Variants in TRAPPC9 observed in about 807,000 individuals in gnomAD.
TRAPPC9 encodes the protein trafficking protein particle complex subunit 9.
A neutral mutation model predicts 124.0 loss-of-function variants in TRAPPC9; 83 were observed. The ratio of observed to expected loss-of-function variants is 0.67; its 90% confidence interval spans 0.56 to 0.80. The LOEUF (loss-of-function observed/expected upper bound fraction) is 0.80. Ranked by LOEUF, TRAPPC9 falls within the 30% of genes least tolerant of loss-of-function variation. The probability of loss-of-function intolerance (pLI) is 0.00; values close to 1 mark genes in which losing one functional copy is unlikely to be tolerated. For missense variants in TRAPPC9, 1,302 were observed against 1,508.3 expected (o/e 0.86, Z 2.27); for synonymous variants, 638 against 617.5 (o/e 1.03, Z -0.49).
intron 21 of TRAPPC9, among the ~76,000 whole-genome samples, chr8:139,864,487 G>A (rs1390184356): frequency 6.6e-6 from 1 of 152,196 alleles, no homozygotes; most frequent in Non-Finnish European, 1.5e-5. Flanking sequence ...TTTAAGGGAT[G>A]GAATACATCT....
chr8:139,981,526 G>C (rs1265186434), intron 19 of TRAPPC9, among the ~76,000 whole-genome samples: 1 of 152,198 alleles, frequency 6.6e-6, no homozygotes, highest in Non-Finnish European at 1.5e-5. Flanking sequence ...CAACCTGCAA[G>C]AAGACTGGGC....
chr8:140,019,124 G>A (rs1392497316), intron 18 of TRAPPC9, among the ~76,000 whole-genome samples: 1 of 152,104 alleles, frequency 6.6e-6, no homozygotes, highest in Admixed American at 6.5e-5. Flanking sequence ...ATCTTTCAAT[G>A]GTAAAACAAC....
At chr8:140,049,065 C>T (rs1841806504) in intron 17 of TRAPPC9, among the ~76,000 whole-genome samples, 1 of 152,242 alleles carries the variant, frequency 6.6e-6, no homozygotes, top group South Asian at 2.1e-4. Flanking sequence ...CAGAGGCCCA[C>T]AGCAACATCT....
chr8:140,100,729 G>A (rs2060563259), intron 17 of TRAPPC9, among the ~76,000 whole-genome samples: 1 of 152,198 alleles, frequency 6.6e-6, no homozygotes, highest in Admixed American at 6.5e-5. Context: ...GTGGCCGTGC[G>A]TCTGCGAGCT....
chr8:140,205,901 C>T (rs1314488305), intron 17 of TRAPPC9, among the ~76,000 whole-genome samples: 2 of 152,220 alleles, frequency 1.3e-5, no homozygotes, highest in Non-Finnish European at 2.9e-5. Flanking sequence ...AAGTCTCTGA[C>T]AAGTGGCCAC....
At chr8:140,297,179 G>A (rs532686458) in intron 11 of TRAPPC9, among the ~76,000 whole-genome samples, 240 of 151,358 alleles carry the variant, frequency 1.6e-3, no homozygotes, top group African/African-American at 5.1e-3. Context: ...CATCCACCAC[G>A]TCTACCCAGC....
chr8:139,748,212 T>G (rs1290199823), intron 21 of TRAPPC9, among the ~76,000 whole-genome samples: 3 of 52,194 alleles, frequency 5.7e-5, no homozygotes, highest in African/African-American at 4.1e-4. Context: ...TGTACAGGGA[T>G]CAGAGAAGAT....
Position 139,835,298 on chromosome 8 carries a change from G to T in TRAPPC9, c.3055+50581C>A, listed in dbSNP as rs117923091. ...GCTTTTTATGTGTTTTACATACTGC[G>T]TTGTGCACACATTGCCTTTGATTAA... On this transcript the variant is annotated intron_variant, in intron 21 of 22. Transcript: ENST00000438773. 7.0e-3 allele frequency among the ~76,000 whole-genome samples: 1,060 copies of T among 152,318 alleles called. 6 individuals are homozygous for T. The highest frequency in any genetic ancestry group is 0.011 in the Admixed American group (162 of 15,300).
At chr8:139,977,582 C>T (rs941830570) in intron 19 of TRAPPC9, among the ~76,000 whole-genome samples, 12 of 146,584 alleles carry the variant, frequency 8.2e-5, no homozygotes, top group African/African-American at 2.5e-4. Context: ...CGCGCCACTG[C>T]ACTCCAGCCT....
chr8:140,012,219 A>G (rs1839185498), intron 18 of TRAPPC9, among the ~76,000 whole-genome samples: 1 of 152,252 alleles, frequency 6.6e-6, no homozygotes, highest in African/African-American at 2.4e-5. Flanking sequence ...AGATAAGGCA[A>G]TGCGGGGCTC....
chr8:140,426,409 T>C (rs1486658914), intron 5 of TRAPPC9, among the ~76,000 whole-genome samples: 1 of 152,204 alleles, frequency 6.6e-6, no homozygotes, highest in South Asian at 2.1e-4. Context: ...AGCCTCCTCT[T>C]CAACAGACAA....
At chr8:139,814,427 A>G (rs7828992) in intron 21 of TRAPPC9, among the ~76,000 whole-genome samples, 79,973 of 151,970 alleles carry the variant, frequency 0.53, 22,265 homozygotes, top group East Asian at 0.74. Flanking sequence ...GAGGGAGGGT[A>G]AGAAGTCCCT....
At chr8:140,439,914 A>G (rs763536667) in intron 2 of TRAPPC9, among the ~76,000 whole-genome samples, 1 of 152,314 alleles carries the variant, frequency 6.6e-6, no homozygotes, top group Non-Finnish European at 1.5e-5. Flanking sequence ...TCATCAAGAA[A>G]GCAAACTTAT....
At chr8:140,081,346 CTTT>C (rs1554620187) in intron 17 of TRAPPC9, among the ~76,000 whole-genome samples, 35 of 141,060 alleles carry the variant, frequency 2.5e-4, no homozygotes, top group African/African-American at 7.8e-4. Flanking sequence ...AAAATGAATG[CTTT>C]TTTTTTTTTT....
At chr8:139,965,432 T>C (rs1178404885) in intron 19 of TRAPPC9, among the ~76,000 whole-genome samples, 1 of 152,136 alleles carries the variant, frequency 6.6e-6, no homozygotes, top group Non-Finnish European at 1.5e-5. Flanking sequence ...CAGACTGAAG[T>C]CTGCACACGT....
chr8:139,961,928 CAAAT>C (rs1835391037), intron 19 of TRAPPC9, among the ~76,000 whole-genome samples: 1 of 123,710 alleles, frequency 8.1e-6, no homozygotes, highest in Non-Finnish European at 1.9e-5. Context: ...GCTGCAGAGA[CAAAT>C]AACCCCTCTG....
intron 10 of TRAPPC9, among the ~76,000 whole-genome samples, chr8:140,306,314 T>G (rs537686986): frequency 2.6e-5 from 4 of 152,028 alleles, no homozygotes; most frequent in Admixed American, 1.3e-4. Context: ...GCGAACACAG[T>G]GAAACCCTGT....
In TRAPPC9 at chr8:139,984,337, C is replaced by T. The variant is rs573656026; in HGVS notation, c.2810+4389G>A. On this transcript the variant is annotated intron_variant, in intron 19 of 22. Transcript: ENST00000438773. The surrounding 1 kb of genome is among the most constrained non-coding windows in gnomAD (Gnocchi z 4.3). The stretch of plus-strand genomic sequence containing the variant: ...TCCGCTCCTGCTGGTAGCGATGAAG[C>T]TGGAGTCTCAGCCCCACTACTGCCC... Among the ~76,000 whole-genome samples, 1 of 152,334 alleles carries T rather than the reference C, an allele frequency of 6.6e-6. No homozygotes were observed. The highest frequency in any genetic ancestry group is 2.1e-4 in the South Asian group (1 of 4,824).
chr8:140,361,561 G>T (rs2067955026), intron 8 of TRAPPC9, among the ~76,000 whole-genome samples: 1 of 152,192 alleles, frequency 6.6e-6, no homozygotes, highest in East Asian at 1.9e-4. Context: ...CTCAATAAAT[G>T]CTAGTTGCTA....
Sources: allele counts gnomAD v4.1 joint callset (sites outside exome capture counted in the v4.1 genomes callset), GRCh38; gene constraint gnomAD v4.1.1; non-coding constraint Gnocchi (gnomAD v3.1); transcripts MANE v1.5; gene names NCBI Gene and HGNC (gene_info 2026-07-23, HGNC 2026-07-21).